DNAH9: variants seen among roughly 807,000 people sequenced by gnomAD.
DNAH9 encodes dynein axonemal heavy chain 9, also known as DNAH9 variant protein.
DNAH9 carries 345 observed loss-of-function variants against 471.6 expected under a neutral mutation model. The observed-to-expected ratio is 0.73, with a 90% CI of 0.67 to 0.80. The LOEUF (loss-of-function observed/expected upper bound fraction) is 0.80. Among genes scored for constraint, DNAH9 ranks in the 30% least tolerant of loss-of-function variants. DNAH9 has a pLI of 0.00. For missense variants in DNAH9, 5,407 were observed against 5,609.2 expected, an observed-to-expected ratio of 0.96 and a Z score of 1.15; for synonymous variants, 2,093 against 2,123.6, an observed-to-expected ratio of 0.99 and a Z score of 0.40.
chr17:11,836,214 C>CA (rs934109995), intron 49 of DNAH9, among the ~76,000 whole-genome samples: 4 of 152,110 alleles, frequency 2.6e-5, no homozygotes, highest in Non-Finnish European at 5.9e-5. Context: ...GTTGAAAAGT[C>CA]AAAAAAGCTA....
chr17:11,805,445 A>G (rs1054469708), intron 43 of DNAH9, among the ~76,000 whole-genome samples: 1 of 149,850 alleles, frequency 6.7e-6, no homozygotes, highest in Non-Finnish European at 1.5e-5. Flanking sequence ...TAACACAGAC[A>G]GGAGCACAGG....
In DNAH9 at chr17:11,955,430, A is replaced by G. The variant is rs181109257; in HGVS notation, c.12844-6437A>G. The stretch of plus-strand genomic sequence containing the variant: ...TAGTAGTTACTGTATTGGTAACTAC[A>G]TTAAATATAAACGGCTTAAGTGCCC... On this transcript the variant is annotated intron_variant, in intron 67 of 68. Transcript: ENST00000262442. Among the ~76,000 whole-genome samples the G allele has an allele frequency of 5.9e-5, 9 of 152,330 alleles. No homozygotes were observed. In the East Asian group the frequency reaches 1.5e-3, roughly 26 times the overall value.
chr17:11,843,872 T>TATATATATATAA (rs1364714298), intron 49 of DNAH9, among the ~76,000 whole-genome samples: 5 of 127,854 alleles, frequency 3.9e-5, no homozygotes, highest in African/African-American at 6.0e-5. Context: ...TGTATATATA[T>TATATATATATAA]ATATATATAT....
intron 48 of DNAH9, among the ~76,000 whole-genome samples, chr17:11,824,539 C>T (rs1232153279): frequency 3.9e-5 from 6 of 152,112 alleles, no homozygotes; most frequent in African/African-American, 1.4e-4. Flanking sequence ...CTGTTATGTT[C>T]TCATGTGTTG....
At chr17:11,924,941 T>C (rs1974268884) in intron 62 of DNAH9, among the ~76,000 whole-genome samples, 1 of 152,122 alleles carries the variant, frequency 6.6e-6, no homozygotes, top group African/African-American at 2.4e-5. Context: ...TACTAACTCT[T>C]ACATAGCATT....
intron 1 of DNAH9, 123 bp from the exon 2 acceptor site, chr17:11,608,005 GC>G: frequency 1.5e-6 from 1 of 645,920 alleles, no homozygotes; most frequent in Non-Finnish European, 2.6e-6. Context: ...CTATTATTAG[GC>G]CTTCCAGCAC....
At chr17:11,858,811 C>T (rs1971717052) in intron 50 of DNAH9, among the ~76,000 whole-genome samples, 1 of 152,104 alleles carries the variant, frequency 6.6e-6, no homozygotes, top group Non-Finnish European at 1.5e-5. Flanking sequence ...ATGGCCGGCA[C>T]AGTGCCTCAT....
intron 49 of DNAH9, chr17:11,853,253 T>G (rs1291286533): frequency 2.0e-5 from 3 of 152,208 alleles, no homozygotes; most frequent in Admixed American, 6.5e-5. Flanking sequence ...ATTGTAGGCT[T>G]CTCACCGAAT....
At chr17:11,638,240 C>T (rs1415285667) in intron 9 of DNAH9, among the ~76,000 whole-genome samples, 2 of 152,170 alleles carry the variant, frequency 1.3e-5, no homozygotes, top group Admixed American at 6.5e-5. Context: ...CTAAGAAAAT[C>T]CGTTGGCCAA....
intron 14 of DNAH9, among the ~76,000 whole-genome samples, chr17:11,661,511 C>A (rs759711092): frequency 2.6e-4 from 39 of 152,064 alleles, no homozygotes; most frequent in Non-Finnish European, 5.3e-4. Flanking sequence ...TCTGCTCTTC[C>A]ATTGTCACCT....
intron 4 of DNAH9, chr17:11,612,693 T>C (rs558988917): frequency 6.6e-6 from 1 of 152,310 alleles, no homozygotes. Flanking sequence ...TCCCTCTCCA[T>C]TTCTTGGAGC....
intron 49 of DNAH9, among the ~76,000 whole-genome samples, chr17:11,850,326 T>G (rs1971371420): frequency 1.3e-5 from 2 of 152,192 alleles, no homozygotes. Context: ...CCAGAGCGCC[T>G]GTGCCTAACA....
intron 61 of DNAH9, among the ~76,000 whole-genome samples, chr17:11,917,307 C>T (rs945689032): frequency 3.3e-5 from 5 of 152,152 alleles, no homozygotes; most frequent in Non-Finnish European, 7.3e-5. Flanking sequence ...CAGGCGCCCA[C>T]CACCATTCCT....
intron 57 of DNAH9, among the ~76,000 whole-genome samples, chr17:11,889,812 AC>A (rs534202238): frequency 8.9e-4 from 135 of 152,316 alleles, no homozygotes; most frequent in Middle Eastern, 6.8e-3. Context: ...TAAGGGCCCT[AC>A]AAAAAAATTA....
chr17:11,926,068 G>T (rs58064520), intron 62 of DNAH9, among the ~76,000 whole-genome samples: 19,431 of 125,182 alleles, frequency 0.16, 1,928 homozygotes, highest in East Asian at 0.22. Flanking sequence ...AAAAAGCTGG[G>T]GGGGGAGGAA....
intron 16 of DNAH9, 42 bp from the exon 17 acceptor site, chr17:11,669,328 A>T: frequency 6.3e-7 from 1 of 1,597,590 alleles, no homozygotes; most frequent in Non-Finnish European, 8.5e-7. Flanking sequence ...ACTTCCTGCC[A>T]CACACTGGTG....
intron 52 of DNAH9, among the ~76,000 whole-genome samples, chr17:11,872,852 G>T (rs1044860634): frequency 6.6e-6 from 1 of 152,342 alleles, no homozygotes; most frequent in African/African-American, 2.4e-5. Context: ...CCCGGGAGGC[G>T]AAGCTTGCAG....
chr17:11,967,100 ATTTTTTG>A (rs1246854657), intron 68 of DNAH9, among the ~76,000 whole-genome samples: 4 of 150,902 alleles, frequency 2.7e-5, no homozygotes, highest in African/African-American at 7.3e-5. Context: ...ACATTAGAAT[ATTTTTTG>A]TTTTTTGTTT....
intron 45 of DNAH9, among the ~76,000 whole-genome samples, chr17:11,813,282 A>G (rs1290227289): frequency 1.3e-5 from 2 of 151,946 alleles, no homozygotes; most frequent in Non-Finnish European, 2.9e-5. Flanking sequence ...TCAAGTGGAG[A>G]TACAGTTAAG....
Sources: allele counts gnomAD v4.1 joint callset (sites outside exome capture counted in the v4.1 genomes callset), GRCh38; gene constraint gnomAD v4.1.1; transcripts MANE v1.5; gene names NCBI Gene and HGNC (gene_info 2026-07-23, HGNC 2026-07-21).